Variants in DTWD2 observed in about 807,000 individuals in gnomAD.
DTWD2 encodes the protein tRNA-uridine aminocarboxypropyltransferase 2.
Under a neutral mutation model 31.8 loss-of-function variants are expected in DTWD2, and 39 were observed. The observed-to-expected ratio is 1.22, with a 90% CI of 0.95 to 1.60. The LOEUF is 1.60. DTWD2 is among the 40% of genes most tolerant of loss of function. The pLI is 0.00. For missense variants in DTWD2, 515 were observed against 381.5 expected, an observed-to-expected ratio of 1.35 and a Z score of -2.92; for synonymous variants, 180 against 142.8, an observed-to-expected ratio of 1.26 and a Z score of -1.86.
chr5:118,865,451 AT>A (rs1473330659), intron 4 of DTWD2, among the ~76,000 whole-genome samples: 2 of 152,140 alleles, frequency 1.3e-5, no homozygotes, highest in Non-Finnish European at 2.9e-5. Flanking sequence ...TAAAAAAAAA[AT>A]AAATAAAAAG....
chr5:118,927,764 C>G (rs576317081), intron 4 of DTWD2, among the ~76,000 whole-genome samples: 2 of 152,034 alleles, frequency 1.3e-5, no homozygotes, highest in African/African-American at 2.4e-5. Flanking sequence ...TTAAAGAGAA[C>G]AGAACCAAGT....
chr5:118,953,734 G>A (rs1462729917), intron 1 of DTWD2, among the ~76,000 whole-genome samples: 1 of 152,130 alleles, frequency 6.6e-6, no homozygotes, highest in Non-Finnish European at 1.5e-5. Flanking sequence ...CACCTGAGCT[G>A]GACTGCTATG....
chr5:118,919,806 A>G (rs1308239005), intron 4 of DTWD2, among the ~76,000 whole-genome samples: 1 of 152,122 alleles, frequency 6.6e-6, no homozygotes, highest in Non-Finnish European at 1.5e-5. Context: ...TCATATTTAT[A>G]CTATATTTGA....
rs1190823473 is a variant in DTWD2 at position 118,838,101 on chromosome 5, G to A, written c.*2816C>T. ...CCACATAAGTCTTATAATCCAACCTGTAGAAAGTTGCCATGCACTGTGACT... is the reference window on the plus strand; with the variant it reads ...CCACATAAGTCTTATAATCCAACCTATAGAAAGTTGCCATGCACTGTGACT... On this transcript the variant is annotated 3_prime_UTR_variant, in exon 6 of 6. Transcript: ENST00000510708. 1 of 152,096 alleles carries A rather than the reference G, an allele frequency of 6.6e-6. No individual in the cohort carries two copies. The highest frequency in any genetic ancestry group is 2.4e-5 in the African/African-American group (1 of 41,418). The allele number at this position is 152,096 out of a possible 1,614,324, so 9.4% of individuals were successfully genotyped here.
intron 1 of DTWD2, among the ~76,000 whole-genome samples, chr5:118,950,171 C>G (rs1307609485): frequency 6.8e-6 from 1 of 147,468 alleles, no homozygotes; most frequent in African/African-American, 2.5e-5. Context: ...CGAGATCACG[C>G]CACTGCACTC....
At chr5:118,879,296 A>G (rs1262471468) in intron 4 of DTWD2, among the ~76,000 whole-genome samples, 2 of 152,186 alleles carry the variant, frequency 1.3e-5, no homozygotes, top group African/African-American at 4.8e-5. Flanking sequence ...ACCATGGAAT[A>G]TTACGCAGCC....
intron 4 of DTWD2, among the ~76,000 whole-genome samples, chr5:118,920,828 C>T (rs912352301): frequency 6.6e-6 from 1 of 151,974 alleles, no homozygotes; most frequent in Admixed American, 6.6e-5. Flanking sequence ...AAATGGGGAG[C>T]GTTCTTTGTT....
chr5:118,921,473 T>G (rs764839535), intron 4 of DTWD2, among the ~76,000 whole-genome samples: 1 of 144,960 alleles, frequency 6.9e-6, no homozygotes, highest in Non-Finnish European at 1.5e-5. Context: ...TGAGCTATAA[T>G]CACACCCGTG....
chr5:118,921,964 A>G (rs1421104268), intron 4 of DTWD2, among the ~76,000 whole-genome samples: 2 of 152,250 alleles, frequency 1.3e-5, no homozygotes, highest in East Asian at 3.8e-4. Context: ...TGCTCCCAAC[A>G]GCGCTCTGCT....
At chr5:118,906,908 C>T (rs1223342876) in intron 4 of DTWD2, among the ~76,000 whole-genome samples, 2 of 152,114 alleles carry the variant, frequency 1.3e-5, no homozygotes, top group Admixed American at 6.5e-5. Context: ...GGCAATGTTA[C>T]ATCACATTTT....
At chr5:118,898,769 T>A (rs1408162273) in intron 4 of DTWD2, among the ~76,000 whole-genome samples, 1 of 152,068 alleles carries the variant, frequency 6.6e-6, no homozygotes, top group Non-Finnish European at 1.5e-5. Context: ...ATTACAAAAT[T>A]GGCACCCTAG....
intron 4 of DTWD2, among the ~76,000 whole-genome samples, chr5:118,921,743 A>G (rs918323562): frequency 1.3e-5 from 2 of 152,206 alleles, no homozygotes; most frequent in African/African-American, 4.8e-5. Context: ...TAAGTAGAAT[A>G]GCCTATTCAG....
intron 1 of DTWD2, among the ~76,000 whole-genome samples, chr5:118,957,007 A>G (rs925136284): frequency 2.6e-5 from 4 of 152,016 alleles, no homozygotes; most frequent in African/African-American, 9.7e-5. Context: ...TATATATCCA[A>G]CATAACCAAT....
At chr5:118,882,479 C>T (rs1228456876) in intron 4 of DTWD2, among the ~76,000 whole-genome samples, 1 of 152,250 alleles carries the variant, frequency 6.6e-6, no homozygotes, top group East Asian at 1.9e-4. Context: ...ACTGGGGACT[C>T]TGTGTGGGGG....
At chr5:118,979,740 A>G (rs1037833828) in intron 1 of DTWD2, among the ~76,000 whole-genome samples, 1 of 152,258 alleles carries the variant, frequency 6.6e-6, no homozygotes, top group African/African-American at 2.4e-5. Context: ...CAGCAAACTA[A>G]TGCAGGAACA....
At chr5:118,913,390 TATATATATAGATATATATAG>T (rs200926191) in intron 4 of DTWD2, among the ~76,000 whole-genome samples, 4 of 145,740 alleles carry the variant, frequency 2.7e-5, no homozygotes, top group African/African-American at 5.0e-5. Context: ...ACATGAACCA[TATATATATAGATATATATAG>T]ATATATATAG....
At chr5:118,925,782 T>C (rs146800331) in intron 4 of DTWD2, among the ~76,000 whole-genome samples, 1,951 of 151,424 alleles carry the variant, frequency 0.013, 36 homozygotes, top group African/African-American at 0.045. Context: ...GAGGCGGAGC[T>C]GGCAGTGAGC....
intron 1 of DTWD2, among the ~76,000 whole-genome samples, chr5:118,981,272 C>A (rs543836911): frequency 6.6e-6 from 1 of 152,244 alleles, no homozygotes; most frequent in East Asian, 1.9e-4. Flanking sequence ...CCATTTACAT[C>A]GTGGTGATGG....
chr5:118,905,757 G>T (rs182620904), intron 4 of DTWD2, among the ~76,000 whole-genome samples: 1 of 152,014 alleles, frequency 6.6e-6, no homozygotes, highest in Non-Finnish European at 1.5e-5. Context: ...AACCAGAAAG[G>T]CTTTAAAATT....
Sources: allele counts gnomAD v4.1 joint callset (sites outside exome capture counted in the v4.1 genomes callset), GRCh38; gene constraint gnomAD v4.1.1; transcripts MANE v1.5; gene names NCBI Gene and HGNC (gene_info 2026-07-23, HGNC 2026-07-21).